The following PDE1A variants were observed in gnomAD, a reference collection of about 807,000 sequenced individuals.
The protein encoded by PDE1A is phosphodiesterase 1A.
A neutral mutation model predicts 61.7 loss-of-function variants in PDE1A; 35 were observed. That is an observed-to-expected ratio of 0.57 (90% CI 0.43 to 0.75). PDE1A has a LOEUF of 0.75. Among genes scored for constraint, PDE1A ranks in the 30% least tolerant of loss-of-function variants. The pLI is 0.00. For missense variants in PDE1A, 597 were observed against 630.6 expected, an observed-to-expected ratio of 0.95 and a Z score of 0.57; for synonymous variants, 232 against 213.2, an observed-to-expected ratio of 1.09 and a Z score of -0.77.
At position 182,248,252 on chromosome 2, in the gene PDE1A, CAAA is replaced by C. The variant is rs1197993496; in HGVS notation, c.168-7963_168-7961del. Among the ~76,000 whole-genome samples, 10 of 78,032 alleles carry C rather than the reference CAAA, an allele frequency of 1.3e-4. No homozygotes were observed. The East Asian group carries it at 2.7e-3, about 21-fold the overall frequency. 51.2% of individuals were successfully genotyped at this position (78,032 alleles called of 152,430 possible). A position where few individuals can be genotyped will look rare whatever the true frequency, so the allele number is the denominator to read the frequency against. On this transcript the variant is annotated intron_variant, in intron 2 of 13. Transcript: ENST00000351439. ...GCCTGGGCCACAAGAGCAAGACTGTCAAAAAAAAAAAAAAAAGAAAAAAGCAAT... is the reference window on the plus strand; with the variant it reads ...GCCTGGGCCACAAGAGCAAGACTGTCAAAAAAAAAAAAAGAAAAAAGCAAT...
the PDE1A span, among the ~76,000 whole-genome samples, chr2:182,696,216 G>A: frequency 6.6e-6 from 1 of 152,134 alleles, no homozygotes; most frequent in Non-Finnish European, 1.5e-5. Context: ...CAACCAAAAT[G>A]TCCTTTAGTA....
At position 182,418,725 on chromosome 2, in the gene PDE1A, A is replaced by G. The variant is rs1307656523; in HGVS notation, c.53+7853T>C. ...TCGCACACCAACACTGGGCTTGGCC[A>G]CGTGGCTTTTTTATTGTTTTTTAAA... On this transcript the variant is annotated intron_variant, in intron 1 of 13. Transcript: ENST00000351439. 2.6e-5 allele frequency among the ~76,000 whole-genome samples: 4 copies of G among 152,316 alleles called. No individual in the cohort carries two copies. In the East Asian group the frequency reaches 7.7e-4, roughly 29 times the overall value.
intron 2 of PDE1A, among the ~76,000 whole-genome samples, chr2:182,453,603 C>G (rs963471117): frequency 1.3e-5 from 2 of 152,066 alleles, no homozygotes; most frequent in Non-Finnish European, 2.9e-5. Flanking sequence ...GGATGCAAGG[C>G]TGGGTCAACA....
chr2:182,177,154 T>G (rs963679030), intron 13 of PDE1A, among the ~76,000 whole-genome samples: 11 of 151,516 alleles, frequency 7.3e-5, no homozygotes, highest in Non-Finnish European at 1.0e-4. Context: ...TCTCTTTTTT[T>G]GTTGTGTCTC....
the PDE1A span, among the ~76,000 whole-genome samples, chr2:182,624,131 A>C: frequency 6.6e-6 from 1 of 151,760 alleles, no homozygotes; most frequent in Non-Finnish European, 1.5e-5. Flanking sequence ...TCTCAAAAAA[A>C]AAAAAAAAAA....
At chr2:182,223,787 A>T in intron 7 of PDE1A, 77 bp downstream of exon 7, 1 of 796,818 alleles carries the variant, frequency 1.3e-6, no homozygotes, top group Non-Finnish European at 2.0e-6. Context: ...TTATTTTTTA[A>T]AAATCCTCTT....
At chr2:182,597,737 T>A in the PDE1A span, among the ~76,000 whole-genome samples, 3 of 152,352 alleles carry the variant, frequency 2.0e-5, no homozygotes, top group Middle Eastern at 3.4e-3. Context: ...TCAGGCATTG[T>A]CAAGTCCCCA....
intron 1 of PDE1A, among the ~76,000 whole-genome samples, chr2:182,392,355 G>C (rs988236897): frequency 6.6e-6 from 1 of 152,074 alleles, no homozygotes; most frequent in Non-Finnish European, 1.5e-5. Context: ...AGAACAGCAC[G>C]TGAAAAATCC....
At chr2:182,344,763 C>A (rs1698415563) in intron 1 of PDE1A, among the ~76,000 whole-genome samples, 1 of 151,970 alleles carries the variant, frequency 6.6e-6, no homozygotes, top group South Asian at 2.1e-4. Context: ...CACACACACA[C>A]ACACACATAC....
intron 2 of PDE1A, among the ~76,000 whole-genome samples, chr2:182,248,126 G>C (rs1691120590): frequency 6.6e-6 from 1 of 151,792 alleles, no homozygotes. Context: ...GTGTGGTGGT[G>C]CATGCTTGCA....
the PDE1A span, among the ~76,000 whole-genome samples, chr2:182,672,562 ACTAT>A: frequency 6.6e-6 from 1 of 152,214 alleles, no homozygotes; most frequent in East Asian, 1.9e-4. Flanking sequence ...ACACACATAG[ACTAT>A]CTGAGAGCAG....
intron 1 of PDE1A, among the ~76,000 whole-genome samples, chr2:182,399,388 G>A (rs1382151848): frequency 6.6e-6 from 1 of 151,754 alleles, no homozygotes; most frequent in Non-Finnish European, 1.5e-5. Context: ...GTTAAATCCT[G>A]CCCCCTCTGC....
At chr2:182,352,554 A>G (rs977981447) in intron 1 of PDE1A, among the ~76,000 whole-genome samples, 1 of 152,232 alleles carries the variant, frequency 6.6e-6, no homozygotes, top group African/African-American at 2.4e-5. Context: ...AAAGGGAAGA[A>G]AGAGGAAATA....
chr2:182,469,443 T>C (rs1174309242), intron 2 of PDE1A, among the ~76,000 whole-genome samples: 5 of 151,920 alleles, frequency 3.3e-5, no homozygotes, highest in East Asian at 1.9e-4. Flanking sequence ...TCAGCCTTCA[T>C]AGAATTGAAG....
At chr2:182,446,291 A>T (rs1488041293) in intron 2 of PDE1A, among the ~76,000 whole-genome samples, 1 of 152,130 alleles carries the variant, frequency 6.6e-6, no homozygotes. Flanking sequence ...CTGTTAGAAC[A>T]GCATACCAGT....
chr2:182,567,102 G>T, the PDE1A span, among the ~76,000 whole-genome samples: 2 of 152,230 alleles, frequency 1.3e-5, no homozygotes, highest in South Asian at 4.2e-4. Flanking sequence ...CATTTTTGCT[G>T]CCATAACCAA....
At chr2:182,636,098 G>A in the PDE1A span, among the ~76,000 whole-genome samples, 9 of 151,622 alleles carry the variant, frequency 5.9e-5, no homozygotes, top group Non-Finnish European at 1.2e-4. Context: ...TGGGACTACA[G>A]GTGCCCGCCA....
intron 2 of PDE1A, among the ~76,000 whole-genome samples, chr2:182,473,425 T>C (rs1453902059): frequency 6.6e-6 from 1 of 151,768 alleles, no homozygotes; most frequent in Non-Finnish European, 1.5e-5. Context: ...CTCAAACACA[T>C]TTACAAGAAA....
the PDE1A span, among the ~76,000 whole-genome samples, chr2:182,672,966 T>C: frequency 3.3e-5 from 5 of 152,344 alleles, no homozygotes; most frequent in East Asian, 7.7e-4. Context: ...TGTCCAGTAG[T>C]TATCACGTGA....
Sources: gnomAD v4.1 joint callset for allele counts (sites outside exome capture counted in the v4.1 genomes callset) on GRCh38, gnomAD v4.1.1 for gene constraint, MANE v1.5 for transcripts, NCBI Gene and HGNC (gene_info 2026-07-23, HGNC 2026-07-21) for gene names.